MICAL3: variants seen among roughly 807,000 people sequenced by gnomAD.
The protein encoded by MICAL3 is microtubule associated monooxygenase, calponin and LIM domain containing 3.
In MICAL3, 62 loss-of-function variants were observed where a neutral mutation model predicts 207.4. The observed-to-expected ratio is 0.30, with a 90% CI of 0.24 to 0.37. The LOEUF is 0.37. Ranked by LOEUF, MICAL3 falls within the 10% of genes least tolerant of loss-of-function variation. The pLI, the probability that MICAL3 is intolerant of heterozygous loss-of-function variation, is 1.00. For missense variants in MICAL3, 2,368 were observed against 2,635.6 expected (o/e 0.90, Z 2.22); for synonymous variants, 1,077 against 1,069.3 (o/e 1.01, Z -0.14).
chr22:17,929,264 AATT>A (rs1933105687), intron 1 of MICAL3, among the ~76,000 whole-genome samples: 1 of 91,752 alleles, frequency 1.1e-5, no homozygotes, highest in African/African-American at 5.3e-5. Context: ...ACGCCTGGCT[AATT>A]TTTTTTTTTT....
chr22:17,965,706 A>G (rs1935115602), intron 1 of MICAL3, among the ~76,000 whole-genome samples: 1 of 152,220 alleles, frequency 6.6e-6, no homozygotes, highest in Admixed American at 6.5e-5. Context: ...AACCGTGAAC[A>G]CTAAGTAGCC....
chr22:17,818,718 C>T lies in MICAL3; in HGVS notation c.3943G>A (p.Asp1315Asn), dbSNP rs1244596992. Residue 1315 changes from aspartate (D) to asparagine (N), a missense_variant, in exon 26 of 32, where the codon GAT (aspartate) becomes AAT (asparagine). Asp to Asn is a conservative substitution (Grantham distance 23). This residue lies in a region of MICAL3 where 1,770 missense variants were observed against 1,863.2 expected (regional missense o/e 0.95). Coordinates refer to ENST00000441493, the MANE Select transcript of MICAL3 (RefSeq NM_015241.3). ...KDRLGSPLAV[D>N]EALRRSDLVE... ...AGGTCGCTCCGTCTGAGGGCCTCAT[C>T]CACAGCAAGGGGGCTGCCCAGTCTG... is the stretch of plus-strand genomic sequence containing the variant. 6.2e-7 allele frequency: 1 copy of T among 1,613,092 alleles called. No individual in the cohort carries two copies. Among genetic ancestry groups the T allele is most frequent in the Admixed American group, 1.7e-5 (1 of 59,958 alleles).
chr22:17,945,473 A>C (rs1301190653), intron 1 of MICAL3, among the ~76,000 whole-genome samples: 1 of 152,178 alleles, frequency 6.6e-6, no homozygotes, highest in African/African-American at 2.4e-5. Context: ...ACCTCAAAGA[A>C]AAACAACCCG....
intron 17 of MICAL3, 44 bp from the exon 18 acceptor site, chr22:17,866,056 C>T (rs776082277): frequency 1.1e-5 from 16 of 1,485,932 alleles, no homozygotes; most frequent in South Asian, 3.4e-5. Flanking sequence ...GAGCCAGGCA[C>T]GGATCCTGAA....
intron 1 of MICAL3, among the ~76,000 whole-genome samples, chr22:17,968,709 C>T (rs1423859953): frequency 6.6e-6 from 1 of 152,164 alleles, no homozygotes; most frequent in African/African-American, 2.4e-5. Flanking sequence ...CACACTTTAG[C>T]TCACCTTCCT....
chr22:17,943,617 T>C (rs1187701617), intron 1 of MICAL3, among the ~76,000 whole-genome samples: 2 of 152,258 alleles, frequency 1.3e-5, no homozygotes, highest in African/African-American at 4.8e-5. Context: ...GCTTTATGAA[T>C]AGATCAGGCG....
At chr22:17,881,385 G>A in intron 16 of MICAL3, 1 of 1,168,834 alleles carries the variant, frequency 8.6e-7, no homozygotes, top group East Asian at 2.4e-5. Context: ...GGACTGAAGG[G>A]TGTTTGTCAG....
intron 1 of MICAL3, among the ~76,000 whole-genome samples, chr22:17,934,355 A>C (rs573543149): frequency 1.2e-4 from 19 of 152,278 alleles, no homozygotes; most frequent in Middle Eastern, 6.8e-3. Flanking sequence ...AAAGACAAAA[A>C]CCACAGGATT....
chr22:17,819,983 A>ACAGGCT (rs1293458448), intron 25 of MICAL3, among the ~76,000 whole-genome samples: 5 of 148,424 alleles, frequency 3.4e-5, no homozygotes, highest in African/African-American at 1.3e-4. Flanking sequence ...CAATCAGTGA[A>ACAGGCT]CAGGCTAGGT....
chr22:17,948,199 C>T (rs1331465611), intron 1 of MICAL3, among the ~76,000 whole-genome samples: 1 of 152,206 alleles, frequency 6.6e-6, no homozygotes, highest in Admixed American at 6.5e-5. Context: ...CCTGCTCCGG[C>T]GTGGCCTTAC....
At chr22:17,799,870 C>A (rs933241374) in intron 29 of MICAL3, among the ~76,000 whole-genome samples, 2 of 149,830 alleles carry the variant, frequency 1.3e-5, no homozygotes, top group Non-Finnish European at 2.9e-5. Flanking sequence ...AGGCAAAAAA[C>A]CAAACAAATG....
chr22:17,990,491 T>C (rs1234121643), intron 1 of MICAL3, among the ~76,000 whole-genome samples: 12 of 152,246 alleles, frequency 7.9e-5, no homozygotes, highest in Middle Eastern at 3.4e-3. Context: ...TAAATGCTTG[T>C]GACCATACAA....
chr22:17,805,233 C>T (rs2145976963), intron 29 of MICAL3, among the ~76,000 whole-genome samples: 1 of 152,320 alleles, frequency 6.6e-6, no homozygotes, highest in East Asian at 1.9e-4. Flanking sequence ...TTCTTCAGGG[C>T]TCAGCCAGGT....
rs1924616490 is a variant in MICAL3 at position 17,846,298 on chromosome 22, G to A, written c.2606-4281C>T. 3.3e-5 allele frequency among the ~76,000 whole-genome samples: 5 copies of A among 152,164 alleles called. No homozygotes were observed. The South Asian group carries it at 1.0e-3, about 32-fold the overall frequency. ...GGGGTTCAGTGTTTCCAAAGGGAAGGTGGTACTCAGAGGACACTGGGCAAG... is the reference window on the plus strand; with the variant it reads ...GGGGTTCAGTGTTTCCAAAGGGAAGATGGTACTCAGAGGACACTGGGCAAG... On this transcript the variant is annotated intron_variant, in intron 19 of 31. Transcript: ENST00000441493.
chr22:17,960,946 A>G (rs1011027147), intron 1 of MICAL3, among the ~76,000 whole-genome samples: 2 of 152,100 alleles, frequency 1.3e-5, no homozygotes, highest in African/African-American at 4.8e-5. Context: ...ACGGTGCGGG[A>G]CCTGGTAGGC....
At chr22:17,942,102 T>A (rs922106883) in intron 1 of MICAL3, among the ~76,000 whole-genome samples, 6 of 152,156 alleles carry the variant, frequency 3.9e-5, no homozygotes, top group African/African-American at 1.4e-4. Context: ...GTGTCTGTTT[T>A]GTTCAGGAAA....
chr22:17,804,186 G>T (rs1443994044), intron 29 of MICAL3, among the ~76,000 whole-genome samples: 1 of 152,188 alleles, frequency 6.6e-6, no homozygotes, highest in East Asian at 1.9e-4. Context: ...GCTTTGCTGG[G>T]AACTCCTGCC....
chr22:18,022,495 C>G (rs534130188), intron 1 of MICAL3, among the ~76,000 whole-genome samples: 2 of 151,528 alleles, frequency 1.3e-5, no homozygotes, highest in East Asian at 3.9e-4. Flanking sequence ...GTGGTGTGAT[C>G]TTGGCTCACT....
intron 10 of MICAL3, among the ~76,000 whole-genome samples, chr22:17,894,181 G>A (rs1418077936): frequency 6.6e-6 from 1 of 152,100 alleles, no homozygotes; most frequent in African/African-American, 2.4e-5. Flanking sequence ...GGAGGCCGAG[G>A]CCAGCAGATG....
Sources: gnomAD v4.1 joint callset for allele counts (sites outside exome capture counted in the v4.1 genomes callset) on GRCh38, gnomAD v4.1.1 for gene constraint, gnomAD v4.1.1 regional missense constraint, MANE v1.5 for transcripts, NCBI Gene and HGNC (gene_info 2026-07-23, HGNC 2026-07-21) for gene names.